Variants in SVIL observed in about 807,000 individuals in gnomAD.
SVIL encodes archvillin.
In SVIL, 101 loss-of-function variants were observed where a neutral mutation model predicts 240.4. The observed-to-expected ratio is 0.42, with a 90% CI of 0.36 to 0.50. The LOEUF is 0.50. Among genes scored for constraint, SVIL ranks in the 20% least tolerant of loss-of-function variants. The probability of loss-of-function intolerance (pLI) is 0.01; values close to 1 mark genes in which losing one functional copy is unlikely to be tolerated. For synonymous variants in SVIL, 999 were observed against 1,100.0 expected, an observed-to-expected ratio of 0.91 and a Z score of 1.82; for missense variants, 2,512 against 2,818.7, an observed-to-expected ratio of 0.89 and a Z score of 2.46.
chr10:29,510,756 G>A (rs1949772409), intron 17 of SVIL, among the ~76,000 whole-genome samples: 1 of 149,336 alleles, frequency 6.7e-6, no homozygotes, highest in African/African-American at 2.5e-5. Context: ...GGCATGTCAA[G>A]CCTCCTCAGC....
At chr10:29,657,002 T>A (rs1959026256) in intron 3 of SVIL, among the ~76,000 whole-genome samples, 2 of 152,230 alleles carry the variant, frequency 1.3e-5, no homozygotes, top group African/African-American at 2.4e-5. Context: ...AAGTGAATAC[T>A]ATTATAAGCA....
At chr10:29,548,913 C>T (rs1952945465) in intron 6 of SVIL, among the ~76,000 whole-genome samples, 1 of 152,180 alleles carries the variant, frequency 6.6e-6, no homozygotes, top group Admixed American at 6.5e-5. Context: ...CCCATGACAC[C>T]TGTTCAGTTT....
At chr10:29,509,344 A>C (rs972223356) in intron 17 of SVIL, among the ~76,000 whole-genome samples, 2 of 99,928 alleles carry the variant, frequency 2.0e-5, no homozygotes, top group Admixed American at 9.6e-5. Flanking sequence ...AGAGAGAGAG[A>C]GAGAGAGAGA....
At chr10:29,539,981 C>T (rs1952024276) in intron 6 of SVIL, among the ~76,000 whole-genome samples, 1 of 152,154 alleles carries the variant, frequency 6.6e-6, no homozygotes, top group Admixed American at 6.5e-5. Flanking sequence ...AATATAACCT[C>T]TTTCTACCAC....
At chr10:29,704,525 G>A (rs1002100545) in intron 1 of SVIL, among the ~76,000 whole-genome samples, 4 of 152,076 alleles carry the variant, frequency 2.6e-5, no homozygotes, top group Non-Finnish European at 5.9e-5. Context: ...GCCTCCCAAA[G>A]TGCTGGCCTC....
intron 36 of SVIL, among the ~76,000 whole-genome samples, chr10:29,459,924 C>G (rs978283854): frequency 6.6e-6 from 1 of 152,000 alleles, no homozygotes; most frequent in African/African-American, 2.4e-5. Context: ...GACCCTGTCT[C>G]TATAAAGAAT....
rs71020802 is a variant in SVIL, at chr10:29,642,417, G to GAGAA, written c.-201+15548_-201+15551dup. On this transcript the variant is annotated intron_variant, in intron 3 of 35. Coordinates refer to the SVIL transcript ENST00000375400. ...AAAAACAGAAAGAAAGAGAGAGAGTGAGAAAGAAAGAAAGAAAGAAAGAAA... is the reference window on the plus strand; with the variant it reads ...AAAAACAGAAAGAAAGAGAGAGAGTGAGAAAGAAAGAAAGAAAGAAAGAAAGAAA... Among the ~76,000 whole-genome samples the GAGAA allele has an allele frequency of 7.9e-3, 979 of 123,538 alleles. 4 individuals are homozygous for GAGAA. Among genetic ancestry groups the GAGAA allele is most frequent in the African/African-American group, 0.017 (502 of 29,642 alleles). 81.0% of individuals were successfully genotyped at this position (123,538 alleles called of 152,430 possible). A position where few individuals can be genotyped will look rare whatever the true frequency, so the allele number is the denominator to read the frequency against.
chr10:29,555,148 T>C, intron 3 of SVIL, 40 bp from the exon 4 acceptor site: 6 of 1,542,266 alleles, frequency 3.9e-6, no homozygotes, highest in Non-Finnish European at 5.3e-6. Context: ...TAGTATTTAG[T>C]AGTCGTGCGC....
rs751182213 is a variant in SVIL at position 29,470,445 on chromosome 10, C to T, written c.5674G>A (p.Val1892Met). The change falls in exon 32 of 38, where the codon GTG becomes ATG. Residue 1892 changes from valine to methionine, a missense_variant. Physicochemically the swap from Val to Met is conservative, Grantham distance 21. Coordinates refer to ENST00000355867, the MANE Select transcript of SVIL (RefSeq NM_021738.3). ...RLYCVRGEVP[V>M]EGNLLEVACH... ...GCCACTTCCAGCAAATTCCCTTCCACGGGCACCTCTCCACGCACGCAGTAC... is the reference window on the plus strand; with the variant it reads ...GCCACTTCCAGCAAATTCCCTTCCATGGGCACCTCTCCACGCACGCAGTAC... 8.1e-6 allele frequency: 13 copies of T among 1,614,070 alleles called. No individual in the cohort carries two copies. The highest frequency in any genetic ancestry group is 2.7e-5 in the African/African-American group (2 of 74,942).
rs557715664 is a variant in SVIL, at chr10:29,633,185, C to T, written c.-201+1235G>A. The stretch of plus-strand genomic sequence containing the variant: ...CTGGGAGGTGGAGGTTGCAGTGAGC[C>T]GAGATCGTGCCACTGCACTCCAGCC... On this transcript the variant is annotated intron_variant, in intron 1 of 37. Transcript: ENST00000355867. Among the ~76,000 whole-genome samples, 4 of 147,716 alleles carry T rather than the reference C, an allele frequency of 2.7e-5. No individual in the cohort carries two copies. In the South Asian group the frequency reaches 6.4e-4, roughly 24 times the overall value.
rs550181995 is a variant in SVIL, at chr10:29,575,382, A to G, written c.-200-6070T>C. ...GCTTAGTAGGATTACACTGAGGCCC[A>G]GCCTAGGTAACAATTGTGAGACAAG... On this transcript the variant is annotated intron_variant, in intron 1 of 37. Coordinates refer to ENST00000355867, the MANE Select transcript of SVIL (RefSeq NM_021738.3). 18 of 216,798 alleles carry G rather than the reference A, an allele frequency of 8.3e-5. No homozygotes were observed. The South Asian group carries it at 1.3e-3, about 16-fold the overall frequency. The allele number at this position is 216,798 out of a possible 1,614,324, so 13.4% of individuals were successfully genotyped here.
chr10:29,678,131 G>A (rs921435611), intron 2 of SVIL, among the ~76,000 whole-genome samples: 1 of 151,994 alleles, frequency 6.6e-6, no homozygotes, highest in Non-Finnish European at 1.5e-5. Flanking sequence ...ATGAACCAGG[G>A]GTTGAGGGGG....
rs752029568 is a variant in SVIL at position 29,480,583 on chromosome 10, C to G, written c.5331G>C (p.Glu1777Asp). 1.9e-6 allele frequency: 3 copies of G among 1,614,010 alleles called. No individual in the cohort carries two copies. The highest frequency in any genetic ancestry group is 1.7e-5 in the Admixed American group (1 of 60,032). Residue 1777 changes from glutamate to aspartate, a missense_variant, in exon 29 of 38, where the codon GAG becomes GAC. This residue lies in a region of SVIL where 797 missense variants were observed against 925.3 expected (regional missense o/e 0.86). Coordinates refer to ENST00000355867, the MANE Select transcript of SVIL (RefSeq NM_021738.3). ...LPKQSIGQFH[E>D]GDAYVVKWKF... ...TCCACTTGACCACATAGGCATCCCCCTCATGGAACTGCCCGATGCTTTGTT... is the reference window on the plus strand; with the variant it reads ...TCCACTTGACCACATAGGCATCCCCGTCATGGAACTGCCCGATGCTTTGTT...
intron 29 of SVIL, among the ~76,000 whole-genome samples, chr10:29,479,831 C>G (rs1268608879): frequency 6.6e-6 from 1 of 152,196 alleles, no homozygotes; most frequent in Non-Finnish European, 1.5e-5. Flanking sequence ...AACCTGTGAC[C>G]TGCATGCTCT....
intron 2 of SVIL, among the ~76,000 whole-genome samples, chr10:29,680,656 C>T (rs188603810): frequency 2.2e-4 from 33 of 152,288 alleles, no homozygotes; most frequent in Admixed American, 9.1e-4. Flanking sequence ...CAGTGGCTCA[C>T]GCCTGTAATC....
chr10:29,531,015 T>C (rs1187841073), intron 10 of SVIL, among the ~76,000 whole-genome samples: 1 of 152,224 alleles, frequency 6.6e-6, no homozygotes, highest in Admixed American at 6.5e-5. Flanking sequence ...CTCCTTTGGT[T>C]TGAATTAGTT....
chr10:29,497,934 T>A (rs1041259655), intron 18 of SVIL, among the ~76,000 whole-genome samples: 1 of 150,780 alleles, frequency 6.6e-6, no homozygotes, highest in South Asian at 2.1e-4. Flanking sequence ...ATACAAAAAT[T>A]AGCTGGGCAT....
At chr10:29,541,469 T>C (rs191886615) in intron 6 of SVIL, among the ~76,000 whole-genome samples, 29 of 152,344 alleles carry the variant, frequency 1.9e-4, no homozygotes, top group African/African-American at 6.3e-4. Flanking sequence ...ATGTCATCGT[T>C]GGGTTACAGA....
intron 1 of SVIL, among the ~76,000 whole-genome samples, chr10:29,578,769 G>T (rs1445645955): frequency 6.6e-6 from 1 of 152,194 alleles, no homozygotes; most frequent in Non-Finnish European, 1.5e-5. Context: ...TGCTTGAATG[G>T]ATCAATCAAT....
Sources: allele counts gnomAD v4.1 joint callset (sites outside exome capture counted in the v4.1 genomes callset), GRCh38; gene constraint gnomAD v4.1.1; regional missense constraint gnomAD v4.1.1; transcripts MANE v1.5; gene names NCBI Gene and HGNC (gene_info 2026-07-23, HGNC 2026-07-21).